The following DLGAP2 variants were observed in gnomAD, a reference collection of about 807,000 sequenced individuals.
The protein encoded by DLGAP2 is disks large-associated protein 2.
DLGAP2 carries 26 observed loss-of-function variants against 100.3 expected under a neutral mutation model. The ratio of observed to expected loss-of-function variants is 0.26; its 90% CI spans 0.19 to 0.36. DLGAP2 has a LOEUF of 0.36. Ranked by LOEUF, DLGAP2 falls within the 10% of genes least tolerant of loss-of-function variation. The pLI is 1.00. For missense variants in DLGAP2, 1,858 were observed against 1,453.2 expected, an observed-to-expected ratio of 1.28 and a Z score of -4.53; for synonymous variants, 886 against 630.1, an observed-to-expected ratio of 1.41 and a Z score of -6.08.
intron 2 of DLGAP2, among the ~76,000 whole-genome samples, chr8:972,488 A>G (rs1227282199): frequency 2.6e-5 from 4 of 152,252 alleles, no homozygotes; most frequent in Admixed American, 6.5e-5. Context: ...AAACACTGTG[A>G]CAGAAATGAC....
intron 2 of DLGAP2, among the ~76,000 whole-genome samples, chr8:1,089,550 C>G (rs1396962736): frequency 6.6e-6 from 1 of 152,246 alleles, no homozygotes; most frequent in Non-Finnish European, 1.5e-5. Context: ...GGCACCCTCC[C>G]TCCTTGCCAT....
chr8:1,221,180 G>T (rs1798307484), intron 2 of DLGAP2, among the ~76,000 whole-genome samples: 1 of 152,108 alleles, frequency 6.6e-6, no homozygotes, highest in Non-Finnish European at 1.5e-5. Flanking sequence ...TTATATAGTT[G>T]TTTTTTAGTG....
At chr8:1,677,952 T>C (rs1481674842) in intron 11 of DLGAP2, among the ~76,000 whole-genome samples, 1 of 152,250 alleles carries the variant, frequency 6.6e-6, no homozygotes, top group African/African-American at 2.4e-5. Flanking sequence ...TTAACTCTCA[T>C]TGTATCATTC....
intron 2 of DLGAP2, among the ~76,000 whole-genome samples, chr8:1,172,025 T>C (rs564827910): frequency 1.3e-5 from 2 of 152,202 alleles, no homozygotes; most frequent in African/African-American, 4.8e-5. Flanking sequence ...CTGGTACTGG[T>C]TGTTCCTTTT....
chr8:751,539 G>T (rs1435291109), intron 1 of DLGAP2, among the ~76,000 whole-genome samples: 2 of 152,206 alleles, frequency 1.3e-5, no homozygotes, highest in Non-Finnish European at 1.5e-5. Context: ...TGAGTTTCTT[G>T]TCTCTTTCTG....
intron 2 of DLGAP2, among the ~76,000 whole-genome samples, chr8:970,889 A>G (rs1205488330): frequency 1.3e-5 from 2 of 152,234 alleles, no homozygotes; most frequent in African/African-American, 4.8e-5. Flanking sequence ...TAACGATTAT[A>G]TACTTCTAAG....
intron 3 of DLGAP2, among the ~76,000 whole-genome samples, chr8:1,312,132 C>G (rs1007532077): frequency 4.6e-5 from 7 of 152,210 alleles, no homozygotes; most frequent in South Asian, 2.1e-4. Context: ...AGAACATTCG[C>G]CAAGATAGGC....
chr8:1,367,961 C>T (rs1802146257), intron 3 of DLGAP2, among the ~76,000 whole-genome samples: 1 of 152,242 alleles, frequency 6.6e-6, no homozygotes, highest in African/African-American at 2.4e-5. Flanking sequence ...GGAGCCAGCA[C>T]AGGCTTTGCC....
chr8:1,387,676 G>A (rs988897020), intron 3 of DLGAP2, among the ~76,000 whole-genome samples: 1 of 152,164 alleles, frequency 6.6e-6, no homozygotes, highest in Non-Finnish European at 1.5e-5. Flanking sequence ...CACTAAGTTG[G>A]GTCCTGGGTT....
Position 1,360,215 on chromosome 8 carries a change from C to T in DLGAP2, c.106+101332C>T, listed in dbSNP as rs1002219320. ...GGTGTGCTCAGGGGCGGGGCTTTTC[C>T]GGGGCGGGGCTTCTCCGGGGCGGGG... is the stretch of plus-strand genomic sequence containing the variant. On this transcript the variant is annotated intron_variant, in intron 3 of 14. Transcript: ENST00000637795. Among the ~76,000 whole-genome samples the T allele has an allele frequency of 2.4e-4, 18 of 76,020 alleles. No homozygotes were observed. The East Asian group carries it at 2.9e-3, about 12-fold the overall frequency. 49.9% of individuals were successfully genotyped at this position (76,020 alleles called of 152,430 possible).
intron 1 of DLGAP2, among the ~76,000 whole-genome samples, chr8:896,234 G>T (rs1798138789): frequency 1.3e-5 from 2 of 150,330 alleles, no homozygotes; most frequent in African/African-American, 4.9e-5. Flanking sequence ...GGCTAGGTAG[G>T]TGTGGGGCAG....
chr8:1,363,904 G>A (rs1012541144), intron 3 of DLGAP2, among the ~76,000 whole-genome samples: 2 of 152,124 alleles, frequency 1.3e-5, no homozygotes, highest in Non-Finnish European at 2.9e-5. Context: ...GTGAGGTTGT[G>A]CCGGCTGGGG....
intron 4 of DLGAP2, among the ~76,000 whole-genome samples, chr8:1,528,067 C>A (rs1206242757): frequency 6.6e-6 from 1 of 152,214 alleles, no homozygotes; most frequent in East Asian, 1.9e-4. Context: ...CCTGGAGGAA[C>A]CATCAATAAC....
At chr8:1,047,472 A>T (rs1471242556) in intron 2 of DLGAP2, among the ~76,000 whole-genome samples, 1 of 152,194 alleles carries the variant, frequency 6.6e-6, no homozygotes, top group East Asian at 1.9e-4. Context: ...ATGTTGGCAA[A>T]ATAATATACT....
At chr8:1,613,645 C>G (rs2130737263) in intron 6 of DLGAP2, among the ~76,000 whole-genome samples, 1 of 152,166 alleles carries the variant, frequency 6.6e-6, no homozygotes, top group South Asian at 2.1e-4. Flanking sequence ...TAAATGATGC[C>G]CAGAAAGTAT....
At chr8:1,408,227 C>G (rs1472333138) in intron 3 of DLGAP2, among the ~76,000 whole-genome samples, 1 of 152,242 alleles carries the variant, frequency 6.6e-6, no homozygotes, top group Non-Finnish European at 1.5e-5. Flanking sequence ...CCACCTGCCT[C>G]ACTGTCCAAC....
At chr8:1,131,857 C>A (rs556475133) in intron 2 of DLGAP2, among the ~76,000 whole-genome samples, 43 of 152,122 alleles carry the variant, frequency 2.8e-4, no homozygotes, top group African/African-American at 9.9e-4. Context: ...GAAATGGTCC[C>A]GTTTTTCAAT....
intron 2 of DLGAP2, among the ~76,000 whole-genome samples, chr8:953,245 A>G (rs1244509671): frequency 2.9e-4 from 44 of 151,728 alleles, no homozygotes; most frequent in Admixed American, 2.9e-3. Context: ...CCCAGGCTGG[A>G]GTGCAGTGGT....
chr8:945,951 TCTC>T (rs1158253262), intron 2 of DLGAP2, among the ~76,000 whole-genome samples: 1 of 152,106 alleles, frequency 6.6e-6, no homozygotes, highest in Non-Finnish European at 1.5e-5. Context: ...AGACTGATCT[TCTC>T]CTGTGCCCTT....
Sources: allele counts gnomAD v4.1 joint callset (sites outside exome capture counted in the v4.1 genomes callset), GRCh38; gene constraint gnomAD v4.1.1; transcripts MANE v1.5; gene names NCBI Gene and HGNC (gene_info 2026-07-23, HGNC 2026-07-21).